PTPRD: variants seen among roughly 807,000 people sequenced by gnomAD.
The protein encoded by PTPRD is receptor-type tyrosine-protein phosphatase delta.
PTPRD carries 34 observed loss-of-function variants against 214.5 expected under a neutral mutation model. The ratio of observed to expected loss-of-function variants is 0.16; its 90% CI spans 0.12 to 0.21. The LOEUF is 0.21. PTPRD is among the 10% of genes least tolerant of loss of function. PTPRD has a pLI of 1.00. For synonymous variants in PTPRD, 1,128 were observed against 845.7 expected (o/e 1.33, Z -5.79); for missense variants, 2,545 against 2,398.7 (o/e 1.06, Z -1.27).
chr9:8,440,362 C>A (rs1431671620), intron 34 of PTPRD, among the ~76,000 whole-genome samples: 2 of 151,042 alleles, frequency 1.3e-5, no homozygotes, highest in African/African-American at 4.9e-5. Flanking sequence ...GTTGCCCAGG[C>A]TGGAGTGCAG....
intron 6 of PTPRD, among the ~76,000 whole-genome samples, chr9:9,763,356 A>T (rs2098677517): frequency 1.3e-5 from 2 of 152,134 alleles, no homozygotes; most frequent in African/African-American, 4.8e-5. Flanking sequence ...CAAATACATG[A>T]CTGAGTACCC....
chr9:8,816,801 A>G (rs1286648097), intron 11 of PTPRD, among the ~76,000 whole-genome samples: 1 of 151,912 alleles, frequency 6.6e-6, no homozygotes. Flanking sequence ...CTTTAGGAAT[A>G]GAAGAAGAAA....
At chr9:9,714,524 T>C (rs2154427437) in intron 7 of PTPRD, among the ~76,000 whole-genome samples, 1 of 152,342 alleles carries the variant, frequency 6.6e-6, no homozygotes. Context: ...AGAATATTGA[T>C]TACTCAGTAA....
chr9:9,887,846 G>A (rs988892851), intron 5 of PTPRD, among the ~76,000 whole-genome samples: 1 of 152,058 alleles, frequency 6.6e-6, no homozygotes, highest in Non-Finnish European at 1.5e-5. Flanking sequence ...CGTATTTATG[G>A]AATATCTATT....
At chr9:9,975,020 A>T (rs1439241920) in intron 4 of PTPRD, among the ~76,000 whole-genome samples, 3 of 151,636 alleles carry the variant, frequency 2.0e-5, no homozygotes, top group African/African-American at 7.3e-5. Flanking sequence ...AAATGCTCAA[A>T]ATTTGAGATT....
chr9:8,454,590 T>C, intron 33 of PTPRD: 1 of 1,613,208 alleles, frequency 6.2e-7, no homozygotes, highest in Non-Finnish European at 8.5e-7. Context: ...CTGTCGGGTT[T>C]ACTGCTCCAT....
intron 7 of PTPRD, among the ~76,000 whole-genome samples, chr9:9,641,687 C>T (rs369860333): frequency 1.0e-3 from 159 of 152,194 alleles, no homozygotes; most frequent in African/African-American, 3.8e-3. Flanking sequence ...ACAAAAATAA[C>T]AAAGGAATTT....
intron 12 of PTPRD, among the ~76,000 whole-genome samples, chr9:8,671,979 G>C (rs983268976): frequency 5.9e-5 from 9 of 152,058 alleles, no homozygotes; most frequent in Admixed American, 3.3e-4. Flanking sequence ...AACATCTCAC[G>C]AGTCCATAAA....
intron 36 of PTPRD, among the ~76,000 whole-genome samples, chr9:8,401,506 G>A (rs1464667839): frequency 6.6e-6 from 1 of 152,036 alleles, no homozygotes; most frequent in East Asian, 1.9e-4. Flanking sequence ...TTAAACAATT[G>A]AAACCATTTT....
At chr9:10,018,059 T>C (rs976696131) in intron 4 of PTPRD, among the ~76,000 whole-genome samples, 2 of 152,150 alleles carry the variant, frequency 1.3e-5, no homozygotes, top group African/African-American at 4.8e-5. Context: ...TTTCTGACTC[T>C]TTACTTTTGA....
intron 8 of PTPRD, among the ~76,000 whole-genome samples, chr9:9,450,950 T>TACATACAC (rs1555421721): frequency 2.2e-5 from 3 of 136,684 alleles, no homozygotes; most frequent in Non-Finnish European, 3.1e-5. Flanking sequence ...CATACATACA[T>TACATACAC]ACACACACAC....
In PTPRD at chr9:8,320,996, TATAA is replaced by T. The variant is rs531645085; in HGVS notation, c.5535-1034_5535-1031del. On this transcript the variant is annotated intron_variant, in intron 44 of 45. Transcript: ENST00000381196. ...CTGGAGGGTGTAGCTGACAGGCATA[TATAA>T]ATAGTGTGTCCCTTTATAAATGGGG... Among the ~76,000 whole-genome samples, 851 of 152,228 alleles carry T rather than the reference TATAA, an allele frequency of 5.6e-3. 7 individuals carry two copies. The highest frequency in any genetic ancestry group is 0.018 in the African/African-American group (768 of 41,562).
intron 7 of PTPRD, among the ~76,000 whole-genome samples, chr9:9,623,497 A>C (rs2095317204): frequency 6.6e-6 from 1 of 152,186 alleles, no homozygotes; most frequent in Non-Finnish European, 1.5e-5. Flanking sequence ...TGACGGCTGA[A>C]CCATTGAATC....
At chr9:8,928,008 T>G (rs556332737) in intron 11 of PTPRD, among the ~76,000 whole-genome samples, 29 of 152,338 alleles carry the variant, frequency 1.9e-4, no homozygotes, top group African/African-American at 6.7e-4. Flanking sequence ...TGTCTTCTTT[T>G]GAGGAGCGTC....
At chr9:8,505,694 C>T (rs2097531011) in intron 22 of PTPRD, among the ~76,000 whole-genome samples, 2 of 150,968 alleles carry the variant, frequency 1.3e-5, no homozygotes. Context: ...AGAAACCATC[C>T]CTAGGGTGTT....
At chr9:9,786,707 G>A (rs2098926996) in intron 5 of PTPRD, among the ~76,000 whole-genome samples, 1 of 151,996 alleles carries the variant, frequency 6.6e-6, no homozygotes, top group South Asian at 2.1e-4. Flanking sequence ...CACCAACATG[G>A]CACATGTACA....
chr9:9,714,685 A>G (rs1191626147), intron 7 of PTPRD, among the ~76,000 whole-genome samples: 2 of 152,172 alleles, frequency 1.3e-5, no homozygotes, highest in African/African-American at 4.8e-5. Context: ...TGAGTACTGA[A>G]GAGTGGTGGA....
At chr9:9,483,780 C>CTTTT (rs201946678) in intron 8 of PTPRD, among the ~76,000 whole-genome samples, 4 of 137,880 alleles carry the variant, frequency 2.9e-5, no homozygotes, top group Non-Finnish European at 6.4e-5. Context: ...TGTCTTCTTT[C>CTTTT]TTTTTTTTTT....
At chr9:10,277,096 G>A (rs1447276056) in intron 3 of PTPRD, among the ~76,000 whole-genome samples, 1 of 152,082 alleles carries the variant, frequency 6.6e-6, no homozygotes, top group Non-Finnish European at 1.5e-5. Context: ...CATGTTTATA[G>A]CCTAGTTATA....
Sources: gnomAD v4.1 joint callset for allele counts (sites outside exome capture counted in the v4.1 genomes callset) on GRCh38, gnomAD v4.1.1 for gene constraint, MANE v1.5 for transcripts, NCBI Gene and HGNC (gene_info 2026-07-23, HGNC 2026-07-21) for gene names.